NEK1: variants seen among roughly 807,000 people sequenced by gnomAD.
The protein encoded by NEK1 is NIMA related kinase 1, also known as serine/threonine-protein kinase Nek1.
NEK1 carries 137 observed loss-of-function variants against 182.1 expected under a neutral mutation model. The ratio of observed to expected loss-of-function variants is 0.75; its 90% CI spans 0.65 to 0.87. The LOEUF is 0.87. Ranked by LOEUF, NEK1 falls within the 40% of genes least tolerant of loss-of-function variation. NEK1 has a pLI of 0.00. For missense variants in NEK1, 1,391 were observed against 1,494.4 expected (o/e 0.93, Z 1.14); for synonymous variants, 513 against 492.2 (o/e 1.04, Z -0.56).
At chr4:169,396,816 C>T (rs774539957) in intron 35 of NEK1, among the ~76,000 whole-genome samples, 2 of 152,144 alleles carry the variant, frequency 1.3e-5, no homozygotes, top group Non-Finnish European at 2.9e-5. Context: ...TACCCCTTCC[C>T]TTCTTTACTC....
intron 31 of NEK1, among the ~76,000 whole-genome samples, chr4:169,419,006 AGT>A (rs1196354099): frequency 6.6e-6 from 1 of 152,144 alleles, no homozygotes; most frequent in African/African-American, 2.4e-5. Flanking sequence ...ATGGCATTGT[AGT>A]GTCATAGTTT....
intron 32 of NEK1, among the ~76,000 whole-genome samples, chr4:169,402,202 A>G (rs1731806558): frequency 6.6e-6 from 1 of 152,222 alleles, no homozygotes; most frequent in Admixed American, 6.5e-5. Flanking sequence ...TGATATTTTA[A>G]CAGGCCAGAC....
chr4:169,471,188 G>A (rs1745892853), intron 26 of NEK1, among the ~76,000 whole-genome samples: 1 of 152,108 alleles, frequency 6.6e-6, no homozygotes, highest in Admixed American at 6.6e-5. Context: ...TGATACTTTG[G>A]AGGAGAAGAG....
chr4:169,401,252 T>C (rs1731629355), intron 33 of NEK1, among the ~76,000 whole-genome samples: 1 of 152,148 alleles, frequency 6.6e-6, no homozygotes. Flanking sequence ...AAAGAGAAAG[T>C]TTACAAATTT....
intron 27 of NEK1, among the ~76,000 whole-genome samples, chr4:169,451,806 T>C (rs1487316615): frequency 2.0e-5 from 3 of 151,470 alleles, no homozygotes; most frequent in Admixed American, 6.6e-5. Context: ...CTGAAGGAGA[T>C]AGACACAAAA....
intron 19 of NEK1, 52 bp from the exon 20 acceptor site, chr4:169,508,904 T>C: frequency 7.1e-7 from 1 of 1,401,180 alleles, no homozygotes; most frequent in Non-Finnish European, 9.8e-7. Flanking sequence ...GCTACATTAT[T>C]ATCTTACCAA....
chr4:169,605,338 G>C (rs2150151300), intron 2 of NEK1, among the ~76,000 whole-genome samples: 1 of 152,288 alleles, frequency 6.6e-6, no homozygotes, highest in East Asian at 1.9e-4. Flanking sequence ...AGTAAAGAAA[G>C]ATGACTCTAA....
intron 19 of NEK1, among the ~76,000 whole-genome samples, chr4:169,515,017 T>C (rs1266328391): frequency 6.6e-6 from 1 of 152,154 alleles, no homozygotes; most frequent in African/African-American, 2.4e-5. Flanking sequence ...CACATTTTTG[T>C]GCGTTGTGTG....
intron 18 of NEK1, chr4:169,555,387 T>G: frequency 3.5e-6 from 1 of 281,706 alleles, no homozygotes; most frequent in Non-Finnish European, 6.9e-6. Flanking sequence ...TAAAGTGTGA[T>G]TCAATTTAGA....
chr4:169,410,193 GTAT>G (rs1314044513), intron 31 of NEK1, among the ~76,000 whole-genome samples: 1 of 151,522 alleles, frequency 6.6e-6, no homozygotes, highest in Non-Finnish European at 1.5e-5. Flanking sequence ...TTCATGTACA[GTAT>G]TTTTTTTTTC....
intron 2 of NEK1, among the ~76,000 whole-genome samples, chr4:169,610,376 G>A (rs936568120): frequency 6.6e-6 from 1 of 151,696 alleles, no homozygotes; most frequent in South Asian, 2.1e-4. Flanking sequence ...TGCAGTGGCA[G>A]TATCTCGGCT....
At position 169,393,247 on chromosome 4, in the gene NEK1, TAATA is replaced by T. The variant is rs1733692113; in HGVS notation, c.*1259_*1262del. The T allele has an allele frequency of 6.6e-6, 1 of 151,918 alleles. No homozygotes were observed. Among genetic ancestry groups the T allele is most frequent in the Non-Finnish European group, 1.5e-5 (1 of 67,962 alleles). 9.4% of individuals were successfully genotyped at this position (151,918 alleles called of 1,614,324 possible). On this transcript the variant is annotated 3_prime_UTR_variant, in exon 36 of 36. Transcript: ENST00000507142. ...AAGCCTTCTATTGAGAAAAGTAAAA[TAATA>T]AATAAAAGACAATTGATATACTTCA...
At chr4:169,539,926 T>C (rs1215825644) in intron 18 of NEK1, among the ~76,000 whole-genome samples, 1 of 152,170 alleles carries the variant, frequency 6.6e-6, no homozygotes, top group African/African-American at 2.4e-5. Flanking sequence ...AACTTACAAT[T>C]GGCATAGGTT....
rs1267255536 is a variant in NEK1, at chr4:169,537,813, T to C, written c.1661A>G (p.His554Arg). The C allele has an allele frequency of 1.9e-6, 3 of 1,611,074 alleles. No homozygotes were observed. The highest frequency in any genetic ancestry group is 1.1e-5 in the South Asian group (1 of 90,940). The stretch of plus-strand genomic sequence containing the variant: ...AGAAACAAACAAAATTCATACCATA[T>C]GTCCTTCGGCTCGAGCTTTATTCTG... ...AMQNKARAEG[H>R]MGILQNLAAM... Residue 554 changes from histidine to arginine, a missense_variant, in exon 19 of 36, where the codon CAT (histidine) becomes CGT (arginine). By Grantham distance (29) the His-to-Arg change is conservative. Coordinates refer to ENST00000507142, the MANE Select transcript of NEK1 (RefSeq NM_001199397.3).
intron 31 of NEK1, among the ~76,000 whole-genome samples, chr4:169,413,997 A>T (rs1734097752): frequency 6.6e-6 from 1 of 152,190 alleles, no homozygotes; most frequent in Non-Finnish European, 1.5e-5. Context: ...AGCCTGGGTG[A>T]CAGGGTGAGA....
Position 169,587,548 on chromosome 4 carries a change from C to A in NEK1, c.606+11G>T. Reference sequence around the variant, plus strand: ...CATAACTTTGAAAGTATTTCAGAAACTTCTACTTACAGCATGTTTAAGTGT... The same window carrying A: ...CATAACTTTGAAAGTATTTCAGAAAATTCTACTTACAGCATGTTTAAGTGT... On this transcript the variant is annotated intron_variant, in intron 9 of 35. Coordinates refer to ENST00000507142, the MANE Select transcript of NEK1 (RefSeq NM_001199397.3). 7.0e-7 allele frequency: 1 copy of A among 1,436,298 alleles called. No individual in the cohort carries two copies. The highest frequency in any genetic ancestry group is 9.4e-7 in the Non-Finnish European group (1 of 1,065,540). 89.0% of individuals were successfully genotyped at this position (1,436,298 alleles called of 1,614,324 possible).
intron 12 of NEK1, among the ~76,000 whole-genome samples, chr4:169,567,546 C>T (rs1391678557): frequency 1.3e-5 from 2 of 152,140 alleles, no homozygotes; most frequent in East Asian, 3.8e-4. Flanking sequence ...ATTACAAGCA[C>T]ATGTCACCAT....
intron 16 of NEK1, among the ~76,000 whole-genome samples, chr4:169,558,465 C>T (rs563253290): frequency 1.3e-5 from 2 of 152,338 alleles, no homozygotes; most frequent in South Asian, 4.1e-4. Context: ...CACTGATCTG[C>T]TTTCCGTCAC....
chr4:169,477,166 G>A lies in NEK1; in HGVS notation c.2392C>T (p.Leu798=), dbSNP rs1131690778. Residue 798 remains leucine (L), a synonymous_variant, in exon 26 of 36, where the codon CTG becomes TTG. Coordinates refer to ENST00000507142, the MANE Select transcript of NEK1 (RefSeq NM_001199397.3). ...GATGTATCTAGTGTTAACTCATCCAGAGGAATCACAAGTTGACCTCCTGCC... is the reference window on the plus strand; with the variant it reads ...GATGTATCTAGTGTTAACTCATCCAAAGGAATCACAAGTTGACCTCCTGCC... ...WEAGGQLVIP[L]DELTLDTSFS... 6.2e-7 allele frequency: 1 copy of A among 1,607,754 alleles called. No individual in the cohort carries two copies. Among genetic ancestry groups the A allele is most frequent in the African/African-American group, 1.3e-5 (1 of 74,784 alleles).
Sources: allele counts gnomAD v4.1 joint callset (sites outside exome capture counted in the v4.1 genomes callset), GRCh38; gene constraint gnomAD v4.1.1; transcripts MANE v1.5; gene names NCBI Gene and HGNC (gene_info 2026-07-23, HGNC 2026-07-21).